GFPT2: variants seen among roughly 807,000 people sequenced by gnomAD.
GFPT2 encodes the protein glutamine--fructose-6-phosphate aminotransferase [isomerizing] 2.
In GFPT2, 62 loss-of-function variants were observed where a neutral mutation model predicts 85.6. The ratio of observed to expected loss-of-function variants is 0.72; its 90% CI spans 0.59 to 0.90. GFPT2 has a LOEUF of 0.90. Among genes scored for constraint, GFPT2 ranks in the 40% least tolerant of loss-of-function variants. The pLI, the probability that GFPT2 is intolerant of heterozygous loss-of-function variation, is 0.00. For synonymous variants in GFPT2, 368 were observed against 344.5 expected (o/e 1.07, Z -0.75); for missense variants, 788 against 893.4 (o/e 0.88, Z 1.50).
intron 13 of GFPT2, among the ~76,000 whole-genome samples, chr5:180,316,086 C>T (rs1475533830): frequency 1.3e-5 from 2 of 152,184 alleles, no homozygotes; most frequent in South Asian, 2.1e-4. Flanking sequence ...AGCCACGGGG[C>T]AGGGGAAAGA....
chr5:180,332,238 C>T (rs1259481683), intron 4 of GFPT2, among the ~76,000 whole-genome samples: 4 of 66,008 alleles, frequency 6.1e-5, no homozygotes, highest in African/African-American at 1.9e-4. Context: ...GGGGAGGTGG[C>T]GGGGGGGCGG....
rs752004718 is a variant in GFPT2 at position 180,308,255 on chromosome 5, C to CA, written c.1547-953_1547-952insT. 4.5e-3 allele frequency among the ~76,000 whole-genome samples: 633 copies of CA among 139,480 alleles called. 11 individuals carry two copies. Among genetic ancestry groups the CA allele is most frequent in the East Asian group, 0.042 (206 of 4,938 alleles). 91.5% of individuals were successfully genotyped at this position (139,480 alleles called of 152,430 possible). A position where few individuals can be genotyped will look rare whatever the true frequency, so the allele number is the denominator to read the frequency against. On this transcript the variant is annotated intron_variant, in intron 15 of 18. Coordinates refer to ENST00000253778, the MANE Select transcript of GFPT2 (RefSeq NM_005110.4). ...TGGGCAACAGAGCGAGACTCCATCT[C>CA]GAAAAAAAAAAAAGAAGAAAAAGAA...
At chr5:180,315,216 CG>C (rs1763979785) in intron 13 of GFPT2, among the ~76,000 whole-genome samples, 1 of 150,288 alleles carries the variant, frequency 6.7e-6, no homozygotes, top group Non-Finnish European at 1.5e-5. Flanking sequence ...CTCGCTCTGT[CG>C]CCCAGGCTGG....
intron 10 of GFPT2, among the ~76,000 whole-genome samples, chr5:180,317,627 C>T (rs553060606): frequency 2.8e-5 from 4 of 144,452 alleles, no homozygotes; most frequent in South Asian, 4.5e-4. Context: ...GGCGTAGTGG[C>T]GGGCGCCTGT....
At chr5:180,338,705 G>A in intron 1 of GFPT2, 105 bp from the exon 2 acceptor site, 1 of 661,300 alleles carries the variant, frequency 1.5e-6, no homozygotes, top group South Asian at 1.8e-5. Flanking sequence ...AGGTCTCCCA[G>A]GGGCTTGCAG....
chr5:180,335,902 G>A lies in GFPT2; in HGVS notation c.266C>T (p.Ala89Val). 1 of 1,579,920 alleles carries A rather than the reference G, an allele frequency of 6.3e-7. No homozygotes were observed. Reference sequence around the variant, plus strand: ...CCCGTGGGTGGCCCAGCGCGTGTGGGCAATGCCGAAGTGTGTCTCAAACTC... The same window carrying A: ...CCCGTGGGTGGCCCAGCGCGTGTGGACAATGCCGAAGTGTGTCTCAAACTC... ...KVEFETHFGI[A>V]HTRWATHGVP... The change falls in exon 4 of 19, where the codon GCC (alanine) becomes GTC (valine). Residue 89 changes from alanine to valine, a missense_variant. Physicochemically the swap from Ala to Val is moderately conservative, Grantham distance 64 (BLOSUM62 0). Transcript: ENST00000253778.
At chr5:180,333,136 T>C (rs961023970) in intron 4 of GFPT2, among the ~76,000 whole-genome samples, 2 of 152,206 alleles carry the variant, frequency 1.3e-5, no homozygotes, top group African/African-American at 2.4e-5. Flanking sequence ...GATCGCTTCT[T>C]GTGCACACCA....
intron 15 of GFPT2, among the ~76,000 whole-genome samples, 195 bp downstream of exon 15, chr5:180,312,235 C>G: frequency 7.0e-6 from 1 of 143,186 alleles, no homozygotes; most frequent in Non-Finnish European, 1.5e-5. Flanking sequence ...GGCAGCGCGG[C>G]AGCGCAGGGG....
chr5:180,346,362 C>T (rs1764607968), intron 1 of GFPT2, among the ~76,000 whole-genome samples: 1 of 152,284 alleles, frequency 6.6e-6, no homozygotes, highest in South Asian at 2.1e-4. Flanking sequence ...GAGGAGATGC[C>T]CGCCTAGCAC....
chr5:180,335,859 G>T lies in GFPT2; in HGVS notation c.309C>A (p.Asn103Lys), dbSNP rs1764383133. 6.3e-7 allele frequency: 1 copy of T among 1,596,972 alleles called. No homozygotes were observed. The highest frequency in any genetic ancestry group is 1.1e-5 in the South Asian group (1 of 88,496). ...WATHGVPSAVNSHPQRSDKGN... is the reference protein window; with the variant it reads ...WATHGVPSAVKSHPQRSDKGN... ...CTTTGTCTGAGCGCTGAGGGTGGCT[G>T]TTGACAGCACTGGGGACCCCGTGGG... is the stretch of plus-strand genomic sequence containing the variant. Residue 103 changes from asparagine to lysine, a missense_variant, in exon 4 of 19, where the codon AAC becomes AAA. Asn to Lys is a moderately conservative substitution (Grantham distance 94). Transcript: ENST00000253778.
At chr5:180,321,538 C>T (rs1320547376) in intron 9 of GFPT2, among the ~76,000 whole-genome samples, 1 of 152,208 alleles carries the variant, frequency 6.6e-6, no homozygotes, top group African/African-American at 2.4e-5. Context: ...GTGCCTTCCC[C>T]AGAGGTCTGT....
intron 13 of GFPT2, 28 bp from the exon 14 acceptor site, chr5:180,313,992 G>A: frequency 1.6e-5 from 25 of 1,567,600 alleles, no homozygotes; most frequent in East Asian, 2.3e-5. Flanking sequence ...TCTCAGTGCC[G>A]CGCTCCGCCA....
Position 180,323,524 on chromosome 5 carries a change from TTC to T in GFPT2, c.794+662_794+663del, listed in dbSNP as rs370233409. Reference sequence around the variant, plus strand: ...TTCAAATGGCAGGAAAGTGCTCTGGTTCTCTCTCTCCCTCTCTCTCTCTCTGT... The same window carrying T: ...TTCAAATGGCAGGAAAGTGCTCTGGTTCTCTCTCCCTCTCTCTCTCTCTGT... On this transcript the variant is annotated intron_variant, in intron 9 of 18. Coordinates refer to ENST00000253778, the MANE Select transcript of GFPT2 (RefSeq NM_005110.4). The surrounding 1 kb of genome is among the most constrained non-coding windows in gnomAD (Gnocchi z 4.0). 6.6e-6 allele frequency among the ~76,000 whole-genome samples: 1 copy of T among 152,136 alleles called. No homozygotes were observed. Among genetic ancestry groups the T allele is most frequent in the African/African-American group, 2.4e-5 (1 of 41,442 alleles).
chr5:180,352,745 G>C, intron 1 of GFPT2: 1 of 395,824 alleles, frequency 2.5e-6, no homozygotes, highest in Non-Finnish European at 5.0e-6. Context: ...GCGGGGCGGG[G>C]TCGCCTCTCC....
rs984145521 is a variant in GFPT2, at chr5:180,313,979, C to G, written c.1274-15G>C. On this transcript the variant is annotated splice_polypyrimidine_tract_variant and intron_variant, in intron 13 of 18. Coordinates refer to ENST00000253778, the MANE Select transcript of GFPT2 (RefSeq NM_005110.4). ...CGCGGTCTCGCCTGCCGCCCAGGGG[C>G]CCTCTCAGTGCCGCGCTCCGCCAGC... 1.3e-6 allele frequency: 2 copies of G among 1,586,156 alleles called. No individual in the cohort carries two copies. Among genetic ancestry groups the G allele is most frequent in the Non-Finnish European group, 8.5e-7 (1 of 1,172,908 alleles).
At chr5:180,326,204 T>C (rs941480541) in intron 7 of GFPT2, among the ~76,000 whole-genome samples, 2 of 152,182 alleles carry the variant, frequency 1.3e-5, no homozygotes, top group African/African-American at 4.8e-5. Flanking sequence ...CTGCGGTTCT[T>C]CAAAACCAGG....
Position 180,324,803 on chromosome 5 carries a change from TTG to T in GFPT2, c.676+11_676+12del. The T allele has an allele frequency of 6.5e-7, 1 of 1,544,376 alleles. No individual in the cohort carries two copies. ...AGCAGCTGTGCTGTTCCGGTACTTC[TTG>T]AGAAACTTACACGTCCTGTATAAGA... On this transcript the variant is annotated intron_variant, in intron 8 of 18. Coordinates refer to ENST00000253778, the MANE Select transcript of GFPT2 (RefSeq NM_005110.4).
chr5:180,319,601 C>G (rs1381034800), intron 9 of GFPT2, among the ~76,000 whole-genome samples: 3 of 152,210 alleles, frequency 2.0e-5, no homozygotes, highest in Admixed American at 2.0e-4. Flanking sequence ...CTGTTGAAAC[C>G]AGAAGGTAAA....
In GFPT2 at chr5:180,313,849, GA is replaced by G. The variant is rs1561874202; in HGVS notation, c.1388del (p.Val463AlafsTer25). ...CGATCTCCGGCCCTGCGTTGATGTGGACGCCGCAGTCGGTCTCGCGAGAGAT... is the reference window on the plus strand; with the variant it reads ...CGATCTCCGGCCCTGCGTTGATGTGGCGCCGCAGTCGGTCTCGCGAGAGAT... ...SSISRETDCGVHINAGPEIGV... is the reference protein window; with the variant it reads ...SSISRETDCGXHINAGPEIGV... On this transcript the variant is annotated frameshift_variant, in exon 14 of 19. Transcript: ENST00000253778. LOFTEE classifies it high-confidence loss of function. 1.3e-6 allele frequency: 2 copies of G among 1,595,664 alleles called. No individual in the cohort carries two copies.
Sources: allele counts gnomAD v4.1 joint callset (sites outside exome capture counted in the v4.1 genomes callset), GRCh38; gene constraint gnomAD v4.1.1; non-coding constraint Gnocchi (gnomAD v3.1); transcripts MANE v1.5; gene names NCBI Gene and HGNC (gene_info 2026-07-23, HGNC 2026-07-21).